The following COL22A1 variants were observed in gnomAD, a reference collection of about 807,000 sequenced individuals.
COL22A1 encodes collagen alpha-1(XXII) chain.
In COL22A1, 221 loss-of-function variants were observed where a neutral mutation model predicts 248.9. The observed-to-expected ratio is 0.89, with a 90% confidence interval of 0.80 to 0.99. COL22A1 has a LOEUF of 0.99. Ranked by LOEUF, COL22A1 falls within the 50% of genes least tolerant of loss-of-function variation. The pLI, the probability that COL22A1 is intolerant of heterozygous loss-of-function variation, is 0.00. For synonymous variants in COL22A1, 891 were observed against 793.4 expected (o/e 1.12, Z -2.07); for missense variants, 2,240 against 2,179.0 (o/e 1.03, Z -0.56).
At chr8:138,593,945 C>T (rs969152001) in intron 63 of COL22A1, 72 bp downstream of exon 63, 13 of 1,223,236 alleles carry the variant, frequency 1.1e-5, no homozygotes, top group Non-Finnish European at 1.4e-5. Flanking sequence ...CATGCAGTGC[C>T]ACCTCCCAGC....
intron 7 of COL22A1, among the ~76,000 whole-genome samples, chr8:138,813,602 C>T (rs964898494): frequency 1.3e-5 from 2 of 152,024 alleles, no homozygotes; most frequent in Non-Finnish European, 2.9e-5. Context: ...TAAGGGAGAG[C>T]CCCCGTGCAA....
At chr8:138,902,787 A>ACACACAC (rs1563907595) in intron 1 of COL22A1, among the ~76,000 whole-genome samples, 12 of 95,640 alleles carry the variant, frequency 1.3e-4, no homozygotes, top group African/African-American at 5.2e-4. Context: ...CACACACACT[A>ACACACAC]GAACTGACTG....
intron 46 of COL22A1, among the ~76,000 whole-genome samples, chr8:138,648,289 G>A (rs371773006): frequency 7.9e-5 from 12 of 152,166 alleles, no homozygotes; most frequent in Non-Finnish European, 1.6e-4. Flanking sequence ...GCATGCCCAC[G>A]GGGTCTATGC....
At chr8:138,664,197 G>A (rs1323552723) in intron 41 of COL22A1, among the ~76,000 whole-genome samples, 2 of 70,244 alleles carry the variant, frequency 2.8e-5, no homozygotes, top group African/African-American at 5.6e-5. Context: ...CAAGGGGTGC[G>A]CGCGCGCGCG....
At chr8:138,880,847 G>A (rs1323007865) in intron 2 of COL22A1, among the ~76,000 whole-genome samples, 1 of 152,220 alleles carries the variant, frequency 6.6e-6, no homozygotes, top group African/African-American at 2.4e-5. Context: ...CCTGCAGACT[G>A]TAATCCTAGA....
chr8:138,663,191 C>T (rs758358006), intron 42 of COL22A1, among the ~76,000 whole-genome samples: 1 of 152,178 alleles, frequency 6.6e-6, no homozygotes, highest in African/African-American at 2.4e-5. Context: ...AGTAAATGCA[C>T]GCACAGGCAT....
At chr8:138,758,637 C>A (rs936795847) in intron 18 of COL22A1, among the ~76,000 whole-genome samples, 1 of 152,164 alleles carries the variant, frequency 6.6e-6, no homozygotes, top group Non-Finnish European at 1.5e-5. Context: ...ACCGTCTCTG[C>A]AGTTCCAGTG....
intron 1 of COL22A1, among the ~76,000 whole-genome samples, chr8:138,900,158 C>T (rs1294529831): frequency 6.6e-6 from 1 of 152,162 alleles, no homozygotes; most frequent in African/African-American, 2.4e-5. Flanking sequence ...GGGATTTAGT[C>T]CCAGGCCATT....
rs571296001 is a variant in COL22A1, at chr8:138,652,038, G to T, written c.3334-2260C>A. On this transcript the variant is annotated intron_variant, in intron 45 of 64. Transcript: ENST00000303045. Reference sequence around the variant, plus strand: ...GAGCTAGACTCAACTCACTGACCCAGTTCTGGAATCCAGTGAGCATAGGGT... The same window carrying T: ...GAGCTAGACTCAACTCACTGACCCATTTCTGGAATCCAGTGAGCATAGGGT... Among the ~76,000 whole-genome samples the T allele has an allele frequency of 2.7e-5, 4 of 150,610 alleles. No homozygotes were observed. In the South Asian group the frequency reaches 8.3e-4, roughly 31 times the overall value.
chr8:138,771,891 G>A (rs756711798), intron 16 of COL22A1, among the ~76,000 whole-genome samples: 6 of 152,138 alleles, frequency 3.9e-5, no homozygotes, highest in Admixed American at 6.5e-5. Flanking sequence ...CGACTGCACC[G>A]CGCCTCAGGA....
At chr8:138,662,672 C>A (rs4344118) in intron 42 of COL22A1, among the ~76,000 whole-genome samples, 101,598 of 151,942 alleles carry the variant, frequency 0.67, 35,211 homozygotes, top group Middle Eastern at 0.78. Context: ...ACTGTGCTAC[C>A]GGGCTGCTCA....
Position 138,877,754 on chromosome 8 carries a change from A to G in COL22A1, c.654T>C (p.Cys218=), listed in dbSNP as rs1305499247. 1.3e-6 allele frequency: 2 copies of G among 1,579,090 alleles called. No homozygotes were observed. Among genetic ancestry groups the G allele is most frequent in the Non-Finnish European group, 8.6e-7 (1 of 1,160,758 alleles). Residue 218 remains cysteine, a synonymous_variant, in exon 3 of 65, where the codon TGT becomes TGC. Coordinates refer to ENST00000303045, the MANE Select transcript of COL22A1 (RefSeq NM_152888.3). ...KIRGKLRRRL[C]ENVLCPSVRV... ...ATGGGGCCCGGGCGCACTCACTTTCACAAAGACGGCGCCGCAGCTTGCCCC... is the reference window on the plus strand; with the variant it reads ...ATGGGGCCCGGGCGCACTCACTTTCGCAAAGACGGCGCCGCAGCTTGCCCC...
Position 138,780,960 on chromosome 8 carries a change from G to T in COL22A1, c.1617C>A (p.Gly539=). The change falls in exon 13 of 65, where the codon GGC becomes GGA. Residue 539 remains glycine, a synonymous_variant. Transcript: ENST00000303045. ...CTTTGCTGCCGTCTCTCCCAGGGGG[G>T]CCGGGCAGGCCCAGGGAACCCTAAA... ...KGEKGSLGLP[G]PPGRDGSKGM... The T allele has an allele frequency of 1.2e-6, 2 of 1,608,168 alleles. No individual in the cohort carries two copies. The highest frequency in any genetic ancestry group is 2.2e-5 in the East Asian group (1 of 44,830).
chr8:138,617,109 G>C, intron 53 of COL22A1, 151 bp from the exon 54 acceptor site: 1 of 773,394 alleles, frequency 1.3e-6, no homozygotes, highest in South Asian at 1.6e-5. Context: ...TGCCATGCTC[G>C]GTGCCAGAGG....
intron 52 of COL22A1, among the ~76,000 whole-genome samples, chr8:138,622,630 CG>C (rs1453356096): frequency 6.6e-6 from 1 of 152,092 alleles, no homozygotes; most frequent in Non-Finnish European, 1.5e-5. Context: ...TACTTTTATG[CG>C]GGTTTTATGG....
intron 1 of COL22A1, among the ~76,000 whole-genome samples, chr8:138,884,469 G>A (rs1824491018): frequency 6.6e-6 from 1 of 152,126 alleles, no homozygotes; most frequent in African/African-American, 2.4e-5. Context: ...AGGCAGTTGG[G>A]CAAACAATCC....
At chr8:138,760,410 G>A (rs1833377950) in intron 17 of COL22A1, 123 bp from the exon 18 acceptor site, 1 of 858,920 alleles carries the variant, frequency 1.2e-6, no homozygotes, top group Non-Finnish European at 1.8e-6. Context: ...AGAAGCCAAA[G>A]TCCCTTTAGA....
intron 41 of COL22A1, among the ~76,000 whole-genome samples, chr8:138,665,315 C>G (rs1045218582): frequency 6.6e-6 from 1 of 152,182 alleles, no homozygotes. Context: ...AAACTCAGAA[C>G]AGTAAGTAAA....
At chr8:138,911,530 G>C (rs149653074) in intron 1 of COL22A1, among the ~76,000 whole-genome samples, 1 of 152,156 alleles carries the variant, frequency 6.6e-6, no homozygotes, top group Non-Finnish European at 1.5e-5. Flanking sequence ...AGATGACAGC[G>C]GATGACCAGA....
Sources: gnomAD v4.1 joint callset for allele counts (sites outside exome capture counted in the v4.1 genomes callset) on GRCh38, gnomAD v4.1.1 for gene constraint, MANE v1.5 for transcripts, NCBI Gene and HGNC (gene_info 2026-07-23, HGNC 2026-07-21) for gene names.